DNAH8: variants seen among roughly 807,000 people sequenced by gnomAD.
DNAH8 encodes dynein axonemal heavy chain 8, also known as axonemal beta dynein heavy chain 8.
In DNAH8, 382 loss-of-function variants were observed where a neutral mutation model predicts 562.1. The observed-to-expected ratio is 0.68, with a 90% confidence interval of 0.63 to 0.74. DNAH8 has a LOEUF of 0.74. Ranked by LOEUF, DNAH8 falls within the 30% of genes least tolerant of loss-of-function variation. The pLI is 0.00. For missense variants in DNAH8, 5,203 were observed against 5,620.4 expected (o/e 0.93, Z 2.37); for synonymous variants, 1,881 against 1,919.4 (o/e 0.98, Z 0.52).
chr6:38,722,804 C>T lies in DNAH8; in HGVS notation c.-6C>T, dbSNP rs1189630055. 7 of 1,574,070 alleles carry T rather than the reference C, an allele frequency of 4.4e-6. No individual in the cohort carries two copies. The South Asian group carries it at 4.7e-5, about 10-fold the overall frequency. ...TCGAAGTATAAAGCATTCCGCACGA[C>T]GGGGGATGGAGAAGGATGCTGAAGA... On this transcript the variant is annotated 5_prime_UTR_variant, in exon 2 of 93. It adds an upstream start codon to the 5' untranslated region. Coordinates refer to ENST00000327475, the MANE Select transcript of DNAH8 (RefSeq NM_001206927.2).
chr6:39,000,890 G>A (rs1765439652), intron 88 of DNAH8, among the ~76,000 whole-genome samples: 1 of 152,160 alleles, frequency 6.6e-6, no homozygotes, highest in Non-Finnish European at 1.5e-5. Context: ...GAGTTTCTCA[G>A]ATTGGAGATG....
At chr6:38,915,106 A>T in intron 67 of DNAH8, 95 bp from the exon 68 acceptor site, 2 of 1,095,710 alleles carry the variant, frequency 1.8e-6, no homozygotes, top group Non-Finnish European at 2.6e-6. Context: ...TTCGTGTTTT[A>T]TATTATGTTG....
At chr6:38,752,204 C>T (rs959956677) in intron 9 of DNAH8, among the ~76,000 whole-genome samples, 1 of 151,202 alleles carries the variant, frequency 6.6e-6, no homozygotes, top group Non-Finnish European at 1.5e-5. Context: ...CTCTCTGTCA[C>T]CCAGGCTGGA....
At position 38,864,359 on chromosome 6, in the gene DNAH8, C is replaced by A. The variant is rs1583215252; in HGVS notation, c.6498+299C>A. On this transcript the variant is annotated intron_variant, in intron 45 of 92. Coordinates refer to ENST00000327475, the MANE Select transcript of DNAH8 (RefSeq NM_001206927.2). ...AGGTGCAGGCTAAATGTTCTATGTG[C>A]TATATCAGATGGCATAACTCATGTG... Among the ~76,000 whole-genome samples, 4 of 152,116 alleles carry A rather than the reference C, an allele frequency of 2.6e-5. No homozygotes were observed. In the East Asian group the frequency reaches 5.8e-4, roughly 22 times the overall value.
rs544363850 is a variant in DNAH8 at position 38,998,608 on chromosome 6, G to A, written c.13214+8436G>A. On this transcript the variant is annotated intron_variant, in intron 88 of 92. Coordinates refer to ENST00000327475, the MANE Select transcript of DNAH8 (RefSeq NM_001206927.2). Reference sequence around the variant, plus strand: ...TCATTGATATTTCATGTGCAAAGACGTATGTAAATCTAGACTGATTTGGAT... The same window carrying A: ...TCATTGATATTTCATGTGCAAAGACATATGTAAATCTAGACTGATTTGGAT... Among the ~76,000 whole-genome samples, 4 of 152,282 alleles carry A rather than the reference G, an allele frequency of 2.6e-5. No homozygotes were observed. The South Asian group carries it at 8.3e-4, about 32-fold the overall frequency.
chr6:38,738,432 T>C (rs1764270871), intron 7 of DNAH8, among the ~76,000 whole-genome samples: 1 of 152,186 alleles, frequency 6.6e-6, no homozygotes, highest in Non-Finnish European at 1.5e-5. Context: ...CCTGCAGCTC[T>C]ATGGTCAAAT....
chr6:38,918,318 A>G (rs978882360), intron 70 of DNAH8, among the ~76,000 whole-genome samples, 178 bp downstream of exon 70: 2 of 152,138 alleles, frequency 1.3e-5, no homozygotes, highest in Non-Finnish European at 2.9e-5. Context: ...TATCTGTTAC[A>G]TGTTTCTTGA....
chr6:38,763,041 C>T, intron 11 of DNAH8: 2 of 405,622 alleles, frequency 4.9e-6, no homozygotes, highest in Admixed American at 3.0e-5. Context: ...ATCAAAGCAG[C>T]TCATAAAGTA....
At chr6:38,987,571 G>A (rs1764484285) in intron 87 of DNAH8, among the ~76,000 whole-genome samples, 2 of 152,094 alleles carry the variant, frequency 1.3e-5, no homozygotes, top group African/African-American at 4.8e-5. Flanking sequence ...TCCATTCTCA[G>A]CAATTAGTGC....
chr6:38,987,785 G>T (rs1215027539), intron 87 of DNAH8, among the ~76,000 whole-genome samples: 2 of 152,062 alleles, frequency 1.3e-5, no homozygotes, highest in Non-Finnish European at 2.9e-5. Context: ...CTCCTGTCTT[G>T]TTGCTTTCCC....
chr6:38,903,250 C>T (rs1264846906), intron 62 of DNAH8, among the ~76,000 whole-genome samples: 1 of 152,072 alleles, frequency 6.6e-6, no homozygotes, highest in East Asian at 1.9e-4. Flanking sequence ...GCAGGCTGTA[C>T]AGGAAGTGTG....
intron 4 of DNAH8, among the ~76,000 whole-genome samples, chr6:38,733,433 G>C (rs984874208): frequency 6.6e-6 from 1 of 152,182 alleles, no homozygotes; most frequent in African/African-American, 2.4e-5. Context: ...CCTTCTTGGG[G>C]GAGTCAGTGA....
chr6:38,821,178 A>C (rs1772798825), intron 26 of DNAH8, among the ~76,000 whole-genome samples: 3 of 152,232 alleles, frequency 2.0e-5, no homozygotes, highest in Admixed American at 2.0e-4. Flanking sequence ...ATTAATATAC[A>C]GATATCAACT....
At chr6:38,814,165 G>A (rs779713375) in intron 25 of DNAH8, 36 bp downstream of exon 25, 3 of 1,239,810 alleles carry the variant, frequency 2.4e-6, no homozygotes, top group Non-Finnish European at 3.5e-6. Context: ...ATTTGATAAG[G>A]TGCTTAAGAA....
chr6:39,025,742 A>T (rs564151480), intron 91 of DNAH8, among the ~76,000 whole-genome samples: 12 of 152,166 alleles, frequency 7.9e-5, no homozygotes, highest in Non-Finnish European at 1.5e-4. Flanking sequence ...CACATTATAA[A>T]ATTTTACTCA....
Position 38,973,679 on chromosome 6 carries a change from C to A in DNAH8, c.12544C>A (p.Gln4182Lys). The change falls in exon 84 of 93, where the codon CAA becomes AAA. Residue 4182 changes from glutamine (Q) to lysine (K), a missense_variant. Around this residue, in one of 6 missense-constraint regions of DNAH8, gnomAD observed 1,399 missense variants for 1,518.4 expected, o/e 0.92. Coordinates refer to ENST00000327475, the MANE Select transcript of DNAH8 (RefSeq NM_001206927.2). ...SMQQGGWVLL[Q>K]NCHLGLEFME... Reference sequence around the variant, plus strand: ...GATACAGGGTGGTTGGGTATTACTACAAAATTGCCACCTTGGCCTGGAATT... The same window carrying A: ...GATACAGGGTGGTTGGGTATTACTAAAAAATTGCCACCTTGGCCTGGAATT... The A allele has an allele frequency of 6.2e-7, 1 of 1,601,542 alleles. No individual in the cohort carries two copies.
intron 60 of DNAH8, among the ~76,000 whole-genome samples, chr6:38,897,019 C>T (rs1404986401): frequency 1.3e-5 from 2 of 151,980 alleles, no homozygotes; most frequent in South Asian, 2.1e-4. Flanking sequence ...TGCTCGCTAC[C>T]ATGCCTGGCT....
chr6:38,939,744 G>A (rs1400010361), intron 79 of DNAH8, among the ~76,000 whole-genome samples: 6 of 152,162 alleles, frequency 3.9e-5, no homozygotes, highest in East Asian at 1.9e-4. Context: ...TATTTGGTAC[G>A]TGGCAAAATG....
intron 1 of DNAH8, among the ~76,000 whole-genome samples, chr6:38,719,049 A>C (rs539934443): frequency 3.2e-4 from 49 of 152,116 alleles, no homozygotes; most frequent in Non-Finnish European, 3.2e-4. Context: ...TCCTTCTTTA[A>C]ATTCCTTTTT....
Sources: gnomAD v4.1 joint callset for allele counts (sites outside exome capture counted in the v4.1 genomes callset) on GRCh38, gnomAD v4.1.1 for gene constraint, gnomAD v4.1.1 regional missense constraint, MANE v1.5 for transcripts, NCBI Gene and HGNC (gene_info 2026-07-23, HGNC 2026-07-21) for gene names.